GPRIN3: variants seen among roughly 807,000 people sequenced by gnomAD.
GPRIN3 encodes the protein G protein-regulated inducer of neurite outgrowth 3.
Under a neutral mutation model 13.7 loss-of-function variants are expected in GPRIN3, and 12 were observed. The ratio of observed to expected loss-of-function variants is 0.87; its 90% CI spans 0.56 to 1.42. GPRIN3 has a LOEUF of 1.42. GPRIN3 is among the 40% of genes most tolerant of loss of function. GPRIN3 has a pLI of 0.00. For missense variants in GPRIN3, 1,009 were observed against 958.7 expected, an observed-to-expected ratio of 1.05 and a Z score of -0.69; for synonymous variants, 377 against 372.7, an observed-to-expected ratio of 1.01 and a Z score of -0.13.
In GPRIN3 at chr4:89,261,128, A is replaced by G. The variant is rs144128652; in HGVS notation, c.-123-10895T>C. ...TTGTAAGACGTATTTAATATGATCAAGAGGAGCTAGATGTTAATCTAGGGT... is the reference window on the plus strand; with the variant it reads ...TTGTAAGACGTATTTAATATGATCAGGAGGAGCTAGATGTTAATCTAGGGT... On this transcript the variant is annotated intron_variant, in intron 1 of 1. Transcript: ENST00000609438. 2.5e-3 allele frequency among the ~76,000 whole-genome samples: 378 copies of G among 152,328 alleles called. 2 individuals carry two copies. Among genetic ancestry groups the G allele is most frequent in the African/African-American group, 8.5e-3 (352 of 41,572 alleles).
chr4:89,286,091 GTATATATA>G (rs35444036), intron 1 of GPRIN3, among the ~76,000 whole-genome samples: 164 of 146,724 alleles, frequency 1.1e-3, no homozygotes, highest in African/African-American at 4.0e-3. Context: ...ATGTGTGTGT[GTATATATA>G]TATATATATA....
In GPRIN3 at chr4:89,236,918, G is replaced by T. The variant is rs1417652093; in HGVS notation, c.*10862C>A. On this transcript the variant is annotated 3_prime_UTR_variant, in exon 2 of 2. Coordinates refer to ENST00000609438, the MANE Select transcript of GPRIN3 (RefSeq NM_198281.3). The stretch of plus-strand genomic sequence containing the variant: ...AGGCATTATTTTTTGTTTTGGCTTT[G>T]GGCTAAAAAAACATAGATAACAAGC... 6.6e-6 allele frequency: 1 copy of T among 152,002 alleles called. No homozygotes were observed. The highest frequency in any genetic ancestry group is 1.5e-5 in the Non-Finnish European group (1 of 67,998). 9.4% of individuals were successfully genotyped at this position (152,002 alleles called of 1,614,324 possible).
chr4:89,244,960 G>A lies in GPRIN3; in HGVS notation c.*2820C>T, dbSNP rs1376092549. 6.6e-6 allele frequency: 1 copy of A among 152,132 alleles called. No individual in the cohort carries two copies. The highest frequency in any genetic ancestry group is 1.5e-5 in the Non-Finnish European group (1 of 68,006). The allele number at this position is 152,132 out of a possible 1,614,324, so 9.4% of individuals were successfully genotyped here. On this transcript the variant is annotated 3_prime_UTR_variant, in exon 2 of 2. Transcript: ENST00000609438. The stretch of plus-strand genomic sequence containing the variant: ...ATGTGTGTCATGCAGGTAAAGTAAG[G>A]AAAAAACTGAGCAAGTTCCAAGAGT...
At chr4:89,256,308 T>C (rs1723464019) in intron 1 of GPRIN3, among the ~76,000 whole-genome samples, 1 of 152,172 alleles carries the variant, frequency 6.6e-6, no homozygotes, top group Non-Finnish European at 1.5e-5. Context: ...CTAGATGGCA[T>C]TAACATCCAC....
Position 89,249,247 on chromosome 4 carries a change from T to C in GPRIN3, c.864A>G (p.Ala288=). ...PPGPEKVPLP[A]QRQMSRFKEA... ...CTTTGAACCTTGACATCTGACGCTG[T>C]GCTGGCAGCGGCACCTTCTCTGGAC... is the stretch of plus-strand genomic sequence containing the variant. The change falls in exon 2 of 2, where the codon GCA becomes GCG. Residue 288 remains alanine (A), a synonymous_variant. Transcript: ENST00000609438. The C allele has an allele frequency of 1.2e-6, 2 of 1,614,086 alleles. No homozygotes were observed. The highest frequency in any genetic ancestry group is 8.5e-7 in the Non-Finnish European group (1 of 1,180,014).
intron 1 of GPRIN3, among the ~76,000 whole-genome samples, chr4:89,298,925 C>G (rs527838505): frequency 1.8e-4 from 28 of 152,212 alleles, no homozygotes; most frequent in African/African-American, 5.5e-4. Flanking sequence ...GATTTCATCA[C>G]TCAAAAGCCA....
intron 1 of GPRIN3, among the ~76,000 whole-genome samples, chr4:89,305,509 T>A (rs1209190085): frequency 6.6e-6 from 1 of 152,126 alleles, no homozygotes; most frequent in Non-Finnish European, 1.5e-5. Context: ...AATGAATGAG[T>A]GCATAAAGGG....
chr4:89,265,050 T>C (rs1723746248), intron 1 of GPRIN3, among the ~76,000 whole-genome samples: 3 of 152,224 alleles, frequency 2.0e-5, no homozygotes, highest in African/African-American at 7.2e-5. Context: ...TGTAGTATGC[T>C]ACAGTTTTTA....
intron 1 of GPRIN3, among the ~76,000 whole-genome samples, chr4:89,285,096 A>G (rs961849989): frequency 6.6e-6 from 1 of 151,480 alleles, no homozygotes; most frequent in Non-Finnish European, 1.5e-5. Flanking sequence ...TTGACTCCCT[A>G]TGATTTCATC....
At position 89,248,171 on chromosome 4, in the gene GPRIN3, A is replaced by G; in HGVS notation, c.1940T>C (p.Leu647Ser). The G allele has an allele frequency of 1.2e-6, 2 of 1,614,020 alleles. No homozygotes were observed. Among genetic ancestry groups the G allele is most frequent in the Non-Finnish European group, 1.7e-6 (2 of 1,179,978 alleles). The change falls in exon 2 of 2, where the codon TTA becomes TCA. Residue 647 changes from leucine (L) to serine (S), a missense_variant. Physicochemically the swap from Leu to Ser is moderately radical, Grantham distance 145. Coordinates refer to ENST00000609438, the MANE Select transcript of GPRIN3 (RefSeq NM_198281.3). ...CTGAGCAGCAGCTGCTGTCACATTT[A>G]ACTTTTGCTCCTTGAGGAACTCGCT... ...RVSEFLKEQK[L>S]NVTAAAAQVG...
At chr4:89,279,504 G>A (rs1724186406) in intron 1 of GPRIN3, among the ~76,000 whole-genome samples, 1 of 152,142 alleles carries the variant, frequency 6.6e-6, no homozygotes, top group Admixed American at 6.5e-5. Flanking sequence ...TAAAAAGACA[G>A]TCTACAATCC....
Position 89,249,153 on chromosome 4 carries a change from C to T in GPRIN3, c.958G>A (p.Ala320Thr). Reference protein sequence around the residue: ...KEVPSRAWQDAEVQAVASVES... With the variant: ...KEVPSRAWQDTEVQAVASVES... ...ACACTCGCCACTGCCTGCACCTCCG[C>T]ATCTTGCCAAGCCCTGCTGGGAACT... The change falls in exon 2 of 2, where the codon GCG (alanine) becomes ACG (threonine). Residue 320 changes from alanine (A) to threonine (T), a missense_variant. Ala to Thr is a moderately conservative substitution (Grantham distance 58). Transcript: ENST00000609438. 6.2e-7 allele frequency: 1 copy of T among 1,614,208 alleles called. No homozygotes were observed. Among genetic ancestry groups the T allele is most frequent in the Non-Finnish European group, 8.5e-7 (1 of 1,180,024 alleles).
chr4:89,260,189 G>A (rs1723586255), intron 1 of GPRIN3, among the ~76,000 whole-genome samples: 1 of 152,174 alleles, frequency 6.6e-6, no homozygotes, highest in African/African-American at 2.4e-5. Flanking sequence ...CAGGGAAAGG[G>A]AGCTGTTCAC....
rs190329008 is a variant in GPRIN3 at position 89,268,719 on chromosome 4, G to A, written c.-123-18486C>T. ...ATAGCAGGCCCACAATCAATTGTGTGGTGGAGCTGGCTCACAGAGCTGGTT... is the reference window on the plus strand; with the variant it reads ...ATAGCAGGCCCACAATCAATTGTGTAGTGGAGCTGGCTCACAGAGCTGGTT... On this transcript the variant is annotated intron_variant, in intron 1 of 1. Coordinates refer to ENST00000609438, the MANE Select transcript of GPRIN3 (RefSeq NM_198281.3). Among the ~76,000 whole-genome samples, 31 of 152,290 alleles carry A rather than the reference G, an allele frequency of 2.0e-4. 1 individual carries two copies. Among genetic ancestry groups the A allele is most frequent in the Admixed American group, 1.8e-3 (28 of 15,292 alleles).
At chr4:89,266,279 T>G (rs1405783449) in intron 1 of GPRIN3, among the ~76,000 whole-genome samples, 1 of 152,100 alleles carries the variant, frequency 6.6e-6, no homozygotes, top group Non-Finnish European at 1.5e-5. Context: ...ACAGACAAAT[T>G]TTCTGTTCCC....
chr4:89,294,938 T>A (rs1356180230), intron 1 of GPRIN3, among the ~76,000 whole-genome samples: 14 of 152,216 alleles, frequency 9.2e-5, no homozygotes, highest in Admixed American at 9.2e-4. Context: ...AACCATGTGT[T>A]TGGAGTTTAA....
rs1723210410 is a variant in GPRIN3, at chr4:89,248,927, T to C, written c.1184A>G (p.Gln395Arg). The change falls in exon 2 of 2, where the codon CAG becomes CGG. Residue 395 changes from glutamine (Q) to arginine (R), a missense_variant. Coordinates refer to ENST00000609438, the MANE Select transcript of GPRIN3 (RefSeq NM_198281.3). ...CPGIMPQVHI[Q>R]AAAAESTAFQ... ...AGCTGTAGACTCAGCTGCAGCTGCC[T>C]GAATGTGCACCTGTGGCATGATGCC... is the stretch of plus-strand genomic sequence containing the variant. The C allele has an allele frequency of 6.2e-7, 1 of 1,614,076 alleles. No homozygotes were observed. Among genetic ancestry groups the C allele is most frequent in the African/African-American group, 1.3e-5 (1 of 74,924 alleles).
rs1306378314 is a variant in GPRIN3, at chr4:89,240,628, T to C, written c.*7152A>G. 1 of 152,222 alleles carries C rather than the reference T, an allele frequency of 6.6e-6. No individual in the cohort carries two copies. Among genetic ancestry groups the C allele is most frequent in the East Asian group, 1.9e-4 (1 of 5,200 alleles). 9.4% of individuals were successfully genotyped at this position (152,222 alleles called of 1,614,324 possible). A position where few individuals can be genotyped will look rare whatever the true frequency, so the allele number is the denominator to read the frequency against. On this transcript the variant is annotated 3_prime_UTR_variant, in exon 2 of 2. Transcript: ENST00000609438. ...TGCTTAAAGAGAAGCATTAATTCCC[T>C]GTAGCTACTCAGTTACCAGTCTGTG... is the stretch of plus-strand genomic sequence containing the variant.
At chr4:89,253,230 G>A (rs1477803023) in intron 1 of GPRIN3, among the ~76,000 whole-genome samples, 1 of 152,140 alleles carries the variant, frequency 6.6e-6, no homozygotes, top group Non-Finnish European at 1.5e-5. Flanking sequence ...ATAAAAAGTT[G>A]TTAATTGATC....
Sources: gnomAD v4.1 joint callset for allele counts (sites outside exome capture counted in the v4.1 genomes callset) on GRCh38, gnomAD v4.1.1 for gene constraint, MANE v1.5 for transcripts, NCBI Gene and HGNC (gene_info 2026-07-23, HGNC 2026-07-21) for gene names.